NALCN: variants seen among roughly 807,000 people sequenced by gnomAD.
NALCN encodes the protein sodium leak channel, non-selective.
A neutral mutation model predicts 225.3 loss-of-function variants in NALCN; 111 were observed. The ratio of observed to expected loss-of-function variants is 0.49; its 90% confidence interval spans 0.42 to 0.58. The LOEUF is 0.58. NALCN is among the 20% of genes least tolerant of loss of function. The probability of loss-of-function intolerance (pLI) is 0.00; values close to 1 mark genes in which losing one functional copy is unlikely to be tolerated. For missense variants in NALCN, 1,378 were observed against 2,202.4 expected, an observed-to-expected ratio of 0.63 and a Z score of 7.49; for synonymous variants, 764 against 769.0, an observed-to-expected ratio of 0.99 and a Z score of 0.11.
intron 15 of NALCN, among the ~76,000 whole-genome samples, chr13:101,171,870 T>C (rs2038739717): frequency 1.3e-5 from 2 of 152,216 alleles, no homozygotes; most frequent in South Asian, 2.1e-4. Context: ...AGAAATTCAT[T>C]GTAGCTTTAA....
chr13:101,283,911 TA>T, intron 10 of NALCN, 21 bp downstream of exon 10: 1 of 1,576,870 alleles, frequency 6.3e-7, no homozygotes, highest in Non-Finnish European at 8.6e-7. Context: ...GGGCGATTTT[TA>T]AAAATGTCAT....
At chr13:101,264,617 T>C (rs940244580) in intron 10 of NALCN, among the ~76,000 whole-genome samples, 3 of 152,118 alleles carry the variant, frequency 2.0e-5, no homozygotes, top group Non-Finnish European at 2.9e-5. Context: ...CGTGAGCATG[T>C]TGAATTTTGA....
intron 4 of NALCN, among the ~76,000 whole-genome samples, chr13:101,378,121 C>T (rs992042670): frequency 1.3e-5 from 2 of 151,832 alleles, no homozygotes; most frequent in East Asian, 1.9e-4. Flanking sequence ...TCCTTCATTT[C>T]AGGGAATATA....
intron 41 of NALCN, 108 bp downstream of exon 41, chr13:101,061,860 T>C: frequency 9.7e-7 from 1 of 1,031,550 alleles, no homozygotes. Flanking sequence ...AGAAGGCTGA[T>C]CACAGAAGGA....
chr13:101,296,755 C>G (rs2043771970), intron 7 of NALCN, among the ~76,000 whole-genome samples: 1 of 152,146 alleles, frequency 6.6e-6, no homozygotes, highest in African/African-American at 2.4e-5. Context: ...CTTTCTCAGA[C>G]CCCAAACTCT....
At chr13:101,389,651 T>C (rs926647486) in intron 3 of NALCN, among the ~76,000 whole-genome samples, 3 of 152,138 alleles carry the variant, frequency 2.0e-5, no homozygotes, top group African/African-American at 7.2e-5. Flanking sequence ...GAGGGACCCC[T>C]CGTACTGACA....
chr13:101,226,979 A>G (rs2041168374), intron 13 of NALCN, among the ~76,000 whole-genome samples: 1 of 152,128 alleles, frequency 6.6e-6, no homozygotes, highest in African/African-American at 2.4e-5. Context: ...CTGCTTAGCA[A>G]GGAAAAGAGC....
At chr13:101,224,073 G>A (rs553419439) in intron 13 of NALCN, among the ~76,000 whole-genome samples, 42 of 152,138 alleles carry the variant, frequency 2.8e-4, no homozygotes, top group African/African-American at 9.4e-4. Flanking sequence ...CTCCCCAACT[G>A]GTTTCATTAT....
chr13:101,316,310 T>C (rs930019607), intron 7 of NALCN, among the ~76,000 whole-genome samples: 1 of 152,280 alleles, frequency 6.6e-6, no homozygotes, highest in East Asian at 1.9e-4. Flanking sequence ...CAGCCCTCAA[T>C]CTAACTGAAG....
chr13:101,296,929 T>G (rs2043778019), intron 7 of NALCN, among the ~76,000 whole-genome samples: 1 of 152,248 alleles, frequency 6.6e-6, no homozygotes, highest in Admixed American at 6.5e-5. Context: ...AATACTAACC[T>G]TGAAACTTTC....
intron 3 of NALCN, among the ~76,000 whole-genome samples, chr13:101,382,361 T>C (rs2046874999): frequency 6.6e-6 from 1 of 152,012 alleles, no homozygotes; most frequent in South Asian, 2.1e-4. Context: ...CTTTTCACAA[T>C]GTATTCTGAT....
At chr13:101,208,600 T>C (rs956816773) in intron 13 of NALCN, among the ~76,000 whole-genome samples, 2 of 152,196 alleles carry the variant, frequency 1.3e-5, no homozygotes, top group African/African-American at 4.8e-5. Flanking sequence ...CCAAATCCCA[T>C]GTTGAAATGT....
intron 7 of NALCN, among the ~76,000 whole-genome samples, chr13:101,332,317 A>G (rs2045206271): frequency 6.6e-6 from 1 of 151,348 alleles, no homozygotes; most frequent in Non-Finnish European, 1.5e-5. Flanking sequence ...TACTAAGACC[A>G]TAAGACAGCA....
At chr13:101,317,555 C>T (rs2044594840) in intron 7 of NALCN, among the ~76,000 whole-genome samples, 1 of 152,192 alleles carries the variant, frequency 6.6e-6, no homozygotes, top group Non-Finnish European at 1.5e-5. Flanking sequence ...TCAGGATGGC[C>T]TCTGTGATCC....
At chr13:101,109,017 C>T (rs534990439) in intron 20 of NALCN, among the ~76,000 whole-genome samples, 14 of 152,196 alleles carry the variant, frequency 9.2e-5, no homozygotes, top group African/African-American at 2.4e-4. Flanking sequence ...AAGTAAGCTC[C>T]GGCACTGAGA....
chr13:101,345,953 ATGAGAAATGAG>A (rs1299441036), intron 6 of NALCN, among the ~76,000 whole-genome samples: 1 of 147,572 alleles, frequency 6.8e-6, no homozygotes, highest in African/African-American at 2.5e-5. Flanking sequence ...ACATATAAGA[ATGAGAAATGAG>A]GAGATATACG....
intron 13 of NALCN, among the ~76,000 whole-genome samples, chr13:101,222,798 AG>A (rs2140112966): frequency 6.6e-6 from 1 of 152,346 alleles, no homozygotes; most frequent in South Asian, 2.1e-4. Flanking sequence ...GCTATCTCAC[AG>A]TTATAGGAAC....
chr13:101,166,973 T>C (rs1039938793), intron 15 of NALCN, among the ~76,000 whole-genome samples: 2 of 152,218 alleles, frequency 1.3e-5, no homozygotes, highest in Admixed American at 6.5e-5. Context: ...GAAGAGACTG[T>C]CCTTTCCCCA....
intron 12 of NALCN, among the ~76,000 whole-genome samples, chr13:101,234,957 G>A (rs73560752): frequency 0.029 from 4,486 of 152,078 alleles, 201 homozygotes; most frequent in African/African-American, 0.1. Flanking sequence ...AGGAAAATCA[G>A]ACATGATGAC....
Sources: gnomAD v4.1 joint callset for allele counts (sites outside exome capture counted in the v4.1 genomes callset) on GRCh38, gnomAD v4.1.1 for gene constraint, MANE v1.5 for transcripts, NCBI Gene and HGNC (gene_info 2026-07-23, HGNC 2026-07-21) for gene names.